Variants in CHURC1 observed in about 807,000 individuals in gnomAD.
CHURC1 encodes the protein churchill domain containing 1.
A neutral mutation model predicts 15.4 loss-of-function variants in CHURC1; 12 were observed. The observed-to-expected ratio is 0.78, with a 90% CI of 0.50 to 1.27. The LOEUF (loss-of-function observed/expected upper bound fraction) is 1.27, where lower values mean the gene tolerates loss of function less well. CHURC1 is among the 50% of genes most tolerant of loss of function. The probability of loss-of-function intolerance (pLI) is 0.00; values close to 1 mark genes in which losing one functional copy is unlikely to be tolerated. For missense variants in CHURC1, 132 were observed against 137.8 expected, an observed-to-expected ratio of 0.96 and a Z score of 0.21; for synonymous variants, 42 against 47.5, an observed-to-expected ratio of 0.88 and a Z score of 0.48.
chr14:64,923,264 C>A (rs1594895493), intron 1 of CHURC1, among the ~76,000 whole-genome samples: 1 of 83,692 alleles, frequency 1.2e-5, no homozygotes, highest in African/African-American at 6.7e-5. Flanking sequence ...AAGACCCCAT[C>A]TCAATTACCA....
rs1594907114 is a variant in CHURC1 at position 64,932,151 on chromosome 14, T to C, written c.260T>C (p.Leu87Pro). 6.2e-7 allele frequency: 1 copy of C among 1,613,850 alleles called. No individual in the cohort carries two copies. Among genetic ancestry groups the C allele is most frequent in the East Asian group, 2.2e-5 (1 of 44,872 alleles). The change falls in exon 4 of 4, where the codon CTG becomes CCG. Residue 87 changes from leucine to proline, a missense_variant. Transcript: ENST00000549115. ...ATCTTGTTCTAGGAGTATACCATGC[T>C]GTGTCTGTTATGCGGCAAAGCCGAA... ...IMDEFQEYTM[L>P]CLLCGKAEDT...
At position 64,932,148 on chromosome 14, in the gene CHURC1, T is replaced by C. The variant is rs778440646; in HGVS notation, c.257T>C (p.Met86Thr). Residue 86 changes from methionine to threonine, a missense_variant, in exon 4 of 4, where the codon ATG (methionine) becomes ACG (threonine). Coordinates refer to ENST00000549115, the MANE Select transcript of CHURC1 (RefSeq NM_001386928.1). ...TTTATCTTGTTCTAGGAGTATACCA[T>C]GCTGTGTCTGTTATGCGGCAAAGCC... Reference protein sequence around the residue: ...SIMDEFQEYTMLCLLCGKAED... With the variant: ...SIMDEFQEYTTLCLLCGKAED... 3 of 1,613,698 alleles carry C rather than the reference T, an allele frequency of 1.9e-6. No homozygotes were observed. The highest frequency in any genetic ancestry group is 1.1e-5 in the South Asian group (1 of 91,064).
intron 1 of CHURC1, among the ~76,000 whole-genome samples, chr14:64,917,708 G>T (rs1368652189): frequency 6.6e-6 from 1 of 152,102 alleles, no homozygotes; most frequent in South Asian, 2.1e-4. Context: ...CTGGGCAACA[G>T]AGCGAGACCC....
intron 3 of CHURC1, among the ~76,000 whole-genome samples, chr14:64,929,471 C>CTG (rs1884951591): frequency 6.6e-6 from 1 of 152,148 alleles, no homozygotes; most frequent in African/African-American, 2.4e-5. Context: ...ACCCTCCATT[C>CTG]TCAGCTGCCA....
chr14:64,927,732 T>TCCCCCCCCCCCCCCCCCC (rs1566830855), intron 3 of CHURC1, among the ~76,000 whole-genome samples: 12 of 106,670 alleles, frequency 1.1e-4, no homozygotes, highest in Non-Finnish European at 1.9e-4. Flanking sequence ...CCCCCCGCCG[T>TCCCCCCCCCCCCCCCCCC]CAATTCATAC....
intron 3 of CHURC1, 42 bp downstream of exon 3, chr14:64,926,122 A>G: frequency 1.4e-6 from 2 of 1,388,302 alleles, no homozygotes; most frequent in Non-Finnish European, 2.0e-6. Context: ...TGGGGAGGTT[A>G]GGGGAATAAT....
Position 64,932,042 on chromosome 14 carries a change from T to G in CHURC1, c.247-96T>G, listed in dbSNP as rs973418583. On this transcript the variant is annotated intron_variant, in intron 3 of 3. Transcript: ENST00000549115. ...TTGATCCAATGTACAGAAAGAATAT[T>G]CATGACAATTTGTAGAGAACATCTT... The G allele has an allele frequency of 3.4e-6, 5 of 1,456,330 alleles. No individual in the cohort carries two copies. In the African/African-American group the frequency reaches 5.7e-5, roughly 17 times the overall value. The allele number at this position is 1,456,330 out of a possible 1,614,324, so 90.2% of individuals were successfully genotyped here.
rs1465845037 is a variant in CHURC1 at position 64,924,009 on chromosome 14, A to T, written c.58A>T (p.Asn20Tyr). 1.3e-6 allele frequency: 2 copies of T among 1,565,884 alleles called. No homozygotes were observed. The highest frequency in any genetic ancestry group is 4.6e-5 in the East Asian group (2 of 43,192). ...ATTTTAGGGTAATACCTGCCTGGAG[A>T]ATGGATCTTTCTTACTGAACTTTAC... is the stretch of plus-strand genomic sequence containing the variant. ...YPNRGNTCLE[N>Y]GSFLLNFTGC... The change falls in exon 2 of 4, where the codon AAT becomes TAT. Residue 20 changes from asparagine to tyrosine, a missense_variant. Coordinates refer to ENST00000549115, the MANE Select transcript of CHURC1 (RefSeq NM_001386928.1).
Position 64,933,554 on chromosome 14 carries a change from T to G in CHURC1, c.*1324T>G. The G allele has an allele frequency of 3.1e-6, 3 of 976,626 alleles. No individual in the cohort carries two copies. The highest frequency in any genetic ancestry group is 3.6e-6 in the Non-Finnish European group (3 of 821,994). 60.5% of individuals were successfully genotyped at this position (976,626 alleles called of 1,614,324 possible). ...TCTATCAAATTGGACTAACAAAAAT[T>G]GATATAATACATTCATCACAGTATT... On this transcript the variant is annotated 3_prime_UTR_variant, in exon 4 of 4. Transcript: ENST00000549115.
chr14:64,931,074 A>G (rs1566832139), intron 3 of CHURC1: 2 of 198,626 alleles, frequency 1.0e-5, no homozygotes, highest in South Asian at 1.4e-4. Context: ...TGACTGATCA[A>G]TTTCCAGACA....
intron 1 of CHURC1, among the ~76,000 whole-genome samples, chr14:64,920,399 T>A (rs997028997): frequency 6.6e-6 from 1 of 152,216 alleles, no homozygotes; most frequent in Non-Finnish European, 1.5e-5. Context: ...CCTGAAAACC[T>A]TCCCTGAATA....
intron 1 of CHURC1, among the ~76,000 whole-genome samples, chr14:64,914,939 A>G (rs1385841043): frequency 6.6e-6 from 1 of 152,238 alleles, no homozygotes; most frequent in Non-Finnish European, 1.5e-5. Flanking sequence ...TTGCAGATGA[A>G]GAAACCGATG....
Position 64,927,651 on chromosome 14 carries a change from CTA to C in CHURC1, c.246+1573_246+1574del, listed in dbSNP as rs529512655. 8.0e-5 allele frequency among the ~76,000 whole-genome samples: 12 copies of C among 150,754 alleles called. No homozygotes were observed. The East Asian group carries it at 2.1e-3, about 27-fold the overall frequency. On this transcript the variant is annotated intron_variant, in intron 3 of 3. Transcript: ENST00000549115. ...TGGCTTGTAGTCACGATGCAAGAAACTATGAAATGGTGGTGAAAATGATTCTT... is the reference window on the plus strand; with the variant it reads ...TGGCTTGTAGTCACGATGCAAGAAACTGAAATGGTGGTGAAAATGATTCTT...
At chr14:64,916,472 TTAA>T (rs1883887296) in intron 1 of CHURC1, among the ~76,000 whole-genome samples, 1 of 152,210 alleles carries the variant, frequency 6.6e-6, no homozygotes. Context: ...TTTTTAAAGT[TTAA>T]AAAGATTTTT....
chr14:64,919,894 A>G (rs1443036605), intron 1 of CHURC1, among the ~76,000 whole-genome samples: 2 of 151,888 alleles, frequency 1.3e-5, no homozygotes, highest in South Asian at 2.1e-4. Flanking sequence ...AAAAAGAAAA[A>G]AAAAGAAAAA....
chr14:64,919,056 G>T (rs900430526), intron 1 of CHURC1, among the ~76,000 whole-genome samples: 3 of 152,128 alleles, frequency 2.0e-5, no homozygotes, highest in Admixed American at 6.5e-5. Context: ...AGTCAAGTTG[G>T]AATGAACCAT....
chr14:64,923,849 A>G, intron 1 of CHURC1, 142 bp from the exon 2 acceptor site: 1 of 767,112 alleles, frequency 1.3e-6, no homozygotes, highest in Non-Finnish European at 1.8e-6. Context: ...GTAATTTCAA[A>G]AATTATTTGG....
intron 1 of CHURC1, among the ~76,000 whole-genome samples, chr14:64,920,545 G>A (rs1019018174): frequency 1.3e-5 from 2 of 152,166 alleles, no homozygotes; most frequent in Non-Finnish European, 2.9e-5. Flanking sequence ...AGTCCCATCC[G>A]CTTCTTATAT....
At chr14:64,925,367 T>C (rs1884600181) in intron 2 of CHURC1, among the ~76,000 whole-genome samples, 1 of 152,180 alleles carries the variant, frequency 6.6e-6, no homozygotes, top group Admixed American at 6.5e-5. Flanking sequence ...TGAAAGCTTT[T>C]ACATAGTTAA....
Sources: gnomAD v4.1 joint callset for allele counts (sites outside exome capture counted in the v4.1 genomes callset) on GRCh38, gnomAD v4.1.1 for gene constraint, MANE v1.5 for transcripts, NCBI Gene and HGNC (gene_info 2026-07-23, HGNC 2026-07-21) for gene names.